EML6: variants seen among roughly 807,000 people sequenced by gnomAD.
EML6 encodes the protein echinoderm microtubule-associated protein-like 6.
A neutral mutation model predicts 240.1 loss-of-function variants in EML6; 154 were observed. That is an observed-to-expected ratio of 0.64 (90% CI 0.56 to 0.73). The LOEUF (loss-of-function observed/expected upper bound fraction) is 0.73. Ranked by LOEUF, EML6 falls within the 30% of genes least tolerant of loss-of-function variation. The pLI is 0.00. For synonymous variants in EML6, 1,148 were observed against 899.0 expected, an observed-to-expected ratio of 1.28 and a Z score of -4.95; for missense variants, 2,964 against 2,474.6, an observed-to-expected ratio of 1.20 and a Z score of -4.20.
chr2:54,782,464 T>C (rs1471102197), intron 2 of EML6, among the ~76,000 whole-genome samples: 1 of 152,206 alleles, frequency 6.6e-6, no homozygotes, highest in Non-Finnish European at 1.5e-5. Flanking sequence ...GCTATTTTAT[T>C]TTCCTGAATC....
intron 28 of EML6, among the ~76,000 whole-genome samples, chr2:54,943,450 G>C (rs963891000): frequency 1.3e-5 from 2 of 152,126 alleles, no homozygotes; most frequent in Non-Finnish European, 2.9e-5. Context: ...AAAAAAAACA[G>C]GTCCTTTGAT....
At chr2:54,739,739 A>G (rs1169503064) in intron 2 of EML6, among the ~76,000 whole-genome samples, 1 of 152,242 alleles carries the variant, frequency 6.6e-6, no homozygotes, top group African/African-American at 2.4e-5. Context: ...GTTGGTGGTT[A>G]GGGAAGGCTT....
chr2:54,942,625 C>G (rs997666187), intron 28 of EML6, among the ~76,000 whole-genome samples: 1 of 152,082 alleles, frequency 6.6e-6, no homozygotes, highest in South Asian at 2.1e-4. Context: ...ATTTGAAGTT[C>G]GTGTCATGCT....
In EML6 at chr2:54,793,243, G is replaced by T. The variant is rs147985798; in HGVS notation, c.198-19989G>T. ...ATTTGCACCACTGCATTCCAGCCTG[G>T]GCAACAGAGCAAGACTGTCACAAAA... is the stretch of plus-strand genomic sequence containing the variant. On this transcript the variant is annotated intron_variant, in intron 2 of 41. Coordinates refer to ENST00000356458, the MANE Select transcript of EML6 (RefSeq NM_001039753.4). Among the ~76,000 whole-genome samples, 939 of 152,220 alleles carry T rather than the reference G, an allele frequency of 6.2e-3. 10 individuals carry two copies. Among genetic ancestry groups the T allele is most frequent in the African/African-American group, 0.021 (878 of 41,518 alleles).
chr2:54,811,166 C>G (rs1667823381), intron 2 of EML6, among the ~76,000 whole-genome samples: 1 of 152,126 alleles, frequency 6.6e-6, no homozygotes, highest in African/African-American at 2.4e-5. Flanking sequence ...TCTCCTAACA[C>G]CCCTCACAGA....
intron 2 of EML6, among the ~76,000 whole-genome samples, chr2:54,750,028 A>G (rs1684088668): frequency 1.3e-5 from 2 of 152,320 alleles, no homozygotes; most frequent in South Asian, 4.1e-4. Flanking sequence ...ATGTTTGCTG[A>G]AAGCAATGGC....
chr2:54,816,201 C>A (rs1416434540), intron 3 of EML6, among the ~76,000 whole-genome samples: 3 of 152,098 alleles, frequency 2.0e-5, no homozygotes, highest in Admixed American at 2.0e-4. Flanking sequence ...ATGTGGGTTG[C>A]ATTTTATTCT....
chr2:54,763,298 T>A (rs1007777534), intron 2 of EML6, among the ~76,000 whole-genome samples: 1 of 152,250 alleles, frequency 6.6e-6, no homozygotes, highest in African/African-American at 2.4e-5. Flanking sequence ...TTCTGTATTT[T>A]AAAAATTCAG....
At chr2:54,804,991 C>T (rs897820250) in intron 2 of EML6, among the ~76,000 whole-genome samples, 1 of 152,112 alleles carries the variant, frequency 6.6e-6, no homozygotes, top group Non-Finnish European at 1.5e-5. Flanking sequence ...TATTTTCATA[C>T]CTTTTTATTT....
At chr2:54,761,835 TATAG>T (rs1667996628) in intron 2 of EML6, among the ~76,000 whole-genome samples, 1 of 152,014 alleles carries the variant, frequency 6.6e-6, no homozygotes, top group African/African-American at 2.4e-5. Context: ...TCTTTCTCTT[TATAG>T]ATACGCATTA....
intron 4 of EML6, among the ~76,000 whole-genome samples, chr2:54,817,980 C>T (rs927611613): frequency 6.6e-6 from 1 of 151,780 alleles, no homozygotes; most frequent in Non-Finnish European, 1.5e-5. Flanking sequence ...CAGTAGTTCC[C>T]AATCCTGGCT....
chr2:54,905,730 C>G (rs1673294594), intron 24 of EML6, among the ~76,000 whole-genome samples: 1 of 152,164 alleles, frequency 6.6e-6, no homozygotes, highest in African/African-American at 2.4e-5. Flanking sequence ...ATTTTACTTT[C>G]TGTCTCTATG....
chr2:54,725,625 T>C lies in EML6; in HGVS notation c.197+367T>C, dbSNP rs534815242. ...GCACGGTAGGACCAATAACCTGAAG[T>C]GTGGGCATCATCTTTGGGAGGCTCC... is the stretch of plus-strand genomic sequence containing the variant. On this transcript the variant is annotated intron_variant, in intron 2 of 41. Coordinates refer to ENST00000356458, the MANE Select transcript of EML6 (RefSeq NM_001039753.4). This position sits in a 1 kb window ranked among gnomAD's most constrained non-coding sequence, Gnocchi z 4.3. Among the ~76,000 whole-genome samples, 6 of 152,256 alleles carry C rather than the reference T, an allele frequency of 3.9e-5. No homozygotes were observed. The South Asian group carries it at 1.2e-3, about 32-fold the overall frequency.
At chr2:54,887,001 G>C (rs1227217401) in intron 17 of EML6, among the ~76,000 whole-genome samples, 2 of 152,132 alleles carry the variant, frequency 1.3e-5, no homozygotes, top group Non-Finnish European at 2.9e-5. Context: ...ATAACTAAAA[G>C]CCATACTGCT....
At chr2:54,899,853 A>G in intron 22 of EML6, 71 bp downstream of exon 22, 1 of 1,435,478 alleles carries the variant, frequency 7.0e-7, no homozygotes, top group Non-Finnish European at 9.4e-7. Context: ...TTATTCACTC[A>G]GTTAATATTT....
Position 54,948,954 on chromosome 2 carries a change from GGTTGAGGTGA to G in EML6, c.4081_4083+7del. The G allele has an allele frequency of 6.5e-7, 1 of 1,549,648 alleles. No homozygotes were observed. The highest frequency in any genetic ancestry group is 8.7e-7 in the Non-Finnish European group (1 of 1,145,274). ...ACAATATCACCAAAAAAAAGAAACT[GGTTGAGGTGA>G]GTTAAACAATCACTTGTAGTCTGAT... On this transcript the variant is annotated splice_donor_variant and splice_donor_region_variant and coding_sequence_variant and intron_variant, in exon 29 of 42. Coordinates refer to ENST00000356458, the MANE Select transcript of EML6 (RefSeq NM_001039753.4). LOFTEE classifies it high-confidence loss of function.
At chr2:54,842,765 G>A (rs1463799213) in intron 7 of EML6, among the ~76,000 whole-genome samples, 1 of 152,220 alleles carries the variant, frequency 6.6e-6, no homozygotes, top group Non-Finnish European at 1.5e-5. Flanking sequence ...TGAGACTCAG[G>A]CAAGTGAGGA....
chr2:54,918,845 A>C (rs571821320), intron 26 of EML6, among the ~76,000 whole-genome samples: 1 of 152,310 alleles, frequency 6.6e-6, no homozygotes, highest in Non-Finnish European at 1.5e-5. Context: ...CCAATAAAAT[A>C]TGTGAGGTTA....
chr2:54,876,405 A>G (rs1671509893), intron 16 of EML6, among the ~76,000 whole-genome samples: 1 of 152,206 alleles, frequency 6.6e-6, no homozygotes, highest in Non-Finnish European at 1.5e-5. Context: ...GCTACCCACA[A>G]TCAGAATACC....
Sources: allele counts gnomAD v4.1 joint callset (sites outside exome capture counted in the v4.1 genomes callset), GRCh38; gene constraint gnomAD v4.1.1; non-coding constraint Gnocchi (gnomAD v3.1); transcripts MANE v1.5; gene names NCBI Gene and HGNC (gene_info 2026-07-23, HGNC 2026-07-21).